Variants in SEM1 observed in about 807,000 individuals in gnomAD.
The protein encoded by SEM1 is SEM1 26S proteasome subunit.
Under a neutral mutation model 12.7 loss-of-function variants are expected in SEM1, and 3 were observed. The ratio of observed to expected loss-of-function variants is 0.24; its 90% CI spans 0.11 to 0.61. The LOEUF (loss-of-function observed/expected upper bound fraction) is 0.61. Ranked by LOEUF, SEM1 falls within the 20% of genes least tolerant of loss-of-function variation. SEM1 has a pLI of 0.88. For missense variants in SEM1, 59 were observed against 81.3 expected (o/e 0.73, Z 1.06); for synonymous variants, 30 against 27.8 (o/e 1.08, Z -0.25).
intron 2 of SEM1, among the ~76,000 whole-genome samples, chr7:96,677,514 A>C (rs1254195090): frequency 1.3e-5 from 2 of 152,196 alleles, no homozygotes; most frequent in Admixed American, 1.3e-4. Flanking sequence ...GCAACACAAG[A>C]CAACTTTGAT....
chr7:96,526,784 G>T (rs1365201657), intron 2 of SEM1, among the ~76,000 whole-genome samples: 7 of 152,006 alleles, frequency 4.6e-5, no homozygotes, highest in Non-Finnish European at 1.0e-4. Context: ...CCTGGGGCTT[G>T]TGTTCTGTGG....
At chr7:96,585,565 C>G (rs1002170529) in intron 2 of SEM1, among the ~76,000 whole-genome samples, 6 of 152,366 alleles carry the variant, frequency 3.9e-5, no homozygotes, top group East Asian at 3.9e-4. Flanking sequence ...CCTCCCCCAG[C>G]CTCGCTGCTG....
intron 2 of SEM1, among the ~76,000 whole-genome samples, chr7:96,563,708 C>T (rs536694492): frequency 1.3e-5 from 2 of 151,990 alleles, no homozygotes; most frequent in African/African-American, 2.4e-5. Context: ...TAGAACAGCA[C>T]GTGTAACCAT....
At chr7:96,696,758 C>T (rs1790110974) in intron 1 of SEM1, 1 of 151,962 alleles carries the variant, frequency 6.6e-6, no homozygotes, top group African/African-American at 2.4e-5. Context: ...CTATACTATA[C>T]ATACATGTTA....
At chr7:96,692,181 T>C (rs10268437) in intron 2 of SEM1, among the ~76,000 whole-genome samples, 4,184 of 152,278 alleles carry the variant, frequency 0.027, 219 homozygotes, top group African/African-American at 0.095. Context: ...CATGTAATGA[T>C]GTGAAATCTA....
intron 2 of SEM1, among the ~76,000 whole-genome samples, chr7:96,683,463 G>T (rs1005471094): frequency 1.2e-4 from 19 of 152,176 alleles, no homozygotes; most frequent in African/African-American, 4.3e-4. Flanking sequence ...AACCATTGTG[G>T]AAGTCAGTGT....
chr7:96,575,459 A>T (rs752300608), intron 2 of SEM1, among the ~76,000 whole-genome samples: 1 of 152,160 alleles, frequency 6.6e-6, no homozygotes, highest in Non-Finnish European at 1.5e-5. Context: ...GACCCACTTG[A>T]GGAGAGAGTC....
intron 2 of SEM1, among the ~76,000 whole-genome samples, chr7:96,627,129 A>G (rs1216875521): frequency 6.6e-6 from 1 of 151,962 alleles, no homozygotes; most frequent in African/African-American, 2.4e-5. Context: ...TTCATCTGCA[A>G]TTTTATTTGT....
chr7:96,622,393 T>A (rs907628429), downstream of SEM1: 8 of 506,152 alleles, frequency 1.6e-5, no homozygotes, highest in African/African-American at 9.5e-5. Context: ...ATGAGAAAAA[T>A]TTCTCTTGTA....
At chr7:96,616,828 T>C (rs1190478999) in intron 2 of SEM1, among the ~76,000 whole-genome samples, 2 of 152,170 alleles carry the variant, frequency 1.3e-5, no homozygotes, top group African/African-American at 4.8e-5. Flanking sequence ...TGCTTATTTT[T>C]ATTGACTTGT....
At chr7:96,680,144 C>T (rs1789564822) in intron 2 of SEM1, among the ~76,000 whole-genome samples, 1 of 152,062 alleles carries the variant, frequency 6.6e-6, no homozygotes, top group African/African-American at 2.4e-5. Flanking sequence ...TGTATATAGC[C>T]TCCTAGAGTT....
chr7:96,543,262 G>A (rs189370616), intron 2 of SEM1, among the ~76,000 whole-genome samples: 1 of 152,012 alleles, frequency 6.6e-6, no homozygotes, highest in African/African-American at 2.4e-5. Flanking sequence ...TTTATTGGGA[G>A]TATAAGTAAT....
At chr7:96,601,179 G>T (rs1807187085) in intron 2 of SEM1, among the ~76,000 whole-genome samples, 1 of 152,086 alleles carries the variant, frequency 6.6e-6, no homozygotes, top group Admixed American at 6.6e-5. Context: ...ATTATCTATT[G>T]GGCATGTGCC....
chr7:96,591,416 C>G (rs1216664435), intron 2 of SEM1, among the ~76,000 whole-genome samples: 1 of 152,172 alleles, frequency 6.6e-6, no homozygotes, highest in Non-Finnish European at 1.5e-5. Flanking sequence ...ATCTGCCTCC[C>G]TCTAACAGAG....
intron 1 of SEM1, among the ~76,000 whole-genome samples, chr7:96,703,705 T>C (rs1233688311): frequency 6.6e-6 from 1 of 151,984 alleles, no homozygotes; most frequent in Non-Finnish European, 1.5e-5. Flanking sequence ...TCCCAGCACC[T>C]GGGAAGACTG....
At chr7:96,496,441 C>T, upstream of SEM1, 1 of 578,174 alleles carries the variant, frequency 1.7e-6, no homozygotes, top group Non-Finnish European at 3.0e-6. Context: ...ACTGCCCCCC[C>T]CAACAAATGG....
chr7:96,513,122 G>C (rs752119379), intron 2 of SEM1, among the ~76,000 whole-genome samples: 1 of 152,026 alleles, frequency 6.6e-6, no homozygotes, highest in Admixed American at 6.6e-5. Context: ...ATAAAAATGG[G>C]AAGTTTGGAT....
At chr7:96,639,348 G>A (rs1043968967) in intron 2 of SEM1, among the ~76,000 whole-genome samples, 1 of 151,940 alleles carries the variant, frequency 6.6e-6, no homozygotes, top group Non-Finnish European at 1.5e-5. Flanking sequence ...TAAAGATATA[G>A]TAATCAAAAC....
At chr7:96,684,819 G>C (rs1440272461), downstream of SEM1, among the ~76,000 whole-genome samples, 2 of 152,048 alleles carry the variant, frequency 1.3e-5, no homozygotes, top group African/African-American at 4.8e-5. Context: ...TCAGGGAGAG[G>C]TCAAAACAGG....
Sources: allele counts gnomAD v4.1 joint callset (sites outside exome capture counted in the v4.1 genomes callset), GRCh38; gene constraint gnomAD v4.1.1; transcripts MANE v1.5; gene names NCBI Gene and HGNC (gene_info 2026-07-23, HGNC 2026-07-21).